Variants in RHOBTB1 observed in about 807,000 individuals in gnomAD.
RHOBTB1 encodes rho-related BTB domain-containing protein 1.
Under a neutral mutation model 71.6 loss-of-function variants are expected in RHOBTB1, and 40 were observed. The observed-to-expected ratio is 0.56, with a 90% CI of 0.43 to 0.73. The LOEUF (loss-of-function observed/expected upper bound fraction) is 0.73. RHOBTB1 is among the 30% of genes least tolerant of loss of function. The pLI is 0.00. For synonymous variants in RHOBTB1, 319 were observed against 334.9 expected, an observed-to-expected ratio of 0.95 and a Z score of 0.52; for missense variants, 797 against 894.0, an observed-to-expected ratio of 0.89 and a Z score of 1.38.
intron 2 of RHOBTB1, among the ~76,000 whole-genome samples, chr10:60,936,032 G>A (rs567988300): frequency 2.0e-5 from 3 of 152,306 alleles, no homozygotes; most frequent in African/African-American, 7.2e-5. Flanking sequence ...AAACTTTAAA[G>A]TGTGCTATAT....
intron 1 of RHOBTB1, among the ~76,000 whole-genome samples, chr10:60,999,489 G>A (rs1349643023): frequency 6.6e-6 from 1 of 152,136 alleles, no homozygotes; most frequent in Non-Finnish European, 1.5e-5. Context: ...CATGCTAAGA[G>A]AAAAATGTTA....
intron 2 of RHOBTB1, among the ~76,000 whole-genome samples, chr10:60,924,109 A>AT (rs990749061): frequency 2.0e-5 from 3 of 152,150 alleles, no homozygotes; most frequent in East Asian, 1.9e-4. Context: ...AAATCTGTGT[A>AT]TTTTTTTTCA....
the RHOBTB1 span, among the ~76,000 whole-genome samples, chr10:60,862,012 T>C: frequency 6.6e-6 from 1 of 152,152 alleles, no homozygotes; most frequent in African/African-American, 2.4e-5. Context: ...TTATTAAAAC[T>C]AGGAGTCAGG....
chr10:60,879,297 A>G (rs962816740), intron 7 of RHOBTB1, among the ~76,000 whole-genome samples: 1 of 152,168 alleles, frequency 6.6e-6, no homozygotes, highest in Admixed American at 6.5e-5. Context: ...ATGGTTTGTA[A>G]GAATTCTACT....
At chr10:60,922,577 G>C (rs1228903531) in intron 2 of RHOBTB1, among the ~76,000 whole-genome samples, 1 of 152,156 alleles carries the variant, frequency 6.6e-6, no homozygotes, top group African/African-American at 2.4e-5. Context: ...CAGGAAGTAG[G>C]GAGACATTCT....
At chr10:60,884,538 T>A (rs143671758) in intron 7 of RHOBTB1, among the ~76,000 whole-genome samples, 1 of 152,318 alleles carries the variant, frequency 6.6e-6, no homozygotes, top group African/African-American at 2.4e-5. Context: ...TGTACTCCCA[T>A]GTTAACTGTA....
At position 60,888,206 on chromosome 10, in the gene RHOBTB1, A is replaced by T. The variant is rs1476697136; in HGVS notation, c.1456+6T>A. On this transcript the variant is annotated splice_donor_region_variant and intron_variant, in intron 6 of 10. Coordinates refer to ENST00000337910, the MANE Select transcript of RHOBTB1 (RefSeq NM_014836.5). ...TATTAATGGCTCTGCCCCGCGGCCCACTCACCCGAGAACGTTCCCTTGCTG... is the reference window on the plus strand; with the variant it reads ...TATTAATGGCTCTGCCCCGCGGCCCTCTCACCCGAGAACGTTCCCTTGCTG... The T allele has an allele frequency of 1.2e-6, 2 of 1,609,024 alleles. No homozygotes were observed. The highest frequency in any genetic ancestry group is 2.2e-5 in the East Asian group (1 of 44,768).
At chr10:60,865,467 C>G (rs1470247581), downstream of RHOBTB1, among the ~76,000 whole-genome samples, 3 of 152,158 alleles carry the variant, frequency 2.0e-5, no homozygotes, top group South Asian at 4.2e-4. Context: ...CGCAGAAAAA[C>G]AGGCATCTTA....
At chr10:60,952,963 C>T (rs552573544) in intron 2 of RHOBTB1, among the ~76,000 whole-genome samples, 77 of 152,174 alleles carry the variant, frequency 5.1e-4, no homozygotes, top group African/African-American at 1.8e-3. Context: ...AAACACACAA[C>T]GCAAGCTTTA....
At chr10:60,906,874 G>C (rs570814146) in intron 4 of RHOBTB1, among the ~76,000 whole-genome samples, 3 of 152,320 alleles carry the variant, frequency 2.0e-5, no homozygotes, top group African/African-American at 7.2e-5. Context: ...ATATGGTTTG[G>C]CTGTGTCCCC....
chr10:60,911,125 G>C, intron 3 of RHOBTB1, 135 bp from the exon 4 acceptor site: 1 of 779,012 alleles, frequency 1.3e-6, no homozygotes, highest in South Asian at 1.7e-5. Flanking sequence ...CGGGATTTAA[G>C]CTAAGTCTTA....
rs2133395329 is a variant in RHOBTB1, at chr10:60,911,462, C to T, written c.81G>A (p.Lys27=). ...ACGCCCTGGCACAGATCAAGCGCGT[C>T]TTCCCCACGGCATTGTCACCCACGA... The part of the protein sequence containing the change: ...CVVVGDNAVG[K]TRLICARACN... The change falls in exon 3 of 11, where the codon AAG becomes AAA. Residue 27 remains lysine, a synonymous_variant. Coordinates refer to ENST00000337910, the MANE Select transcript of RHOBTB1 (RefSeq NM_014836.5). The T allele has an allele frequency of 6.2e-6, 10 of 1,614,210 alleles. No homozygotes were observed. Among genetic ancestry groups the T allele is most frequent in the Non-Finnish European group, 8.5e-6 (10 of 1,180,042 alleles).
Position 60,871,408 on chromosome 10 carries a change from T to C in RHOBTB1, c.*74A>G, listed in dbSNP as rs1037635498. On this transcript the variant is annotated 3_prime_UTR_variant, in exon 11 of 11. Transcript: ENST00000337910. Reference sequence around the variant, plus strand: ...GTCGTATCTCTAACAAGACGAATTTTATAGTAGTGCTTTGAAAAGTGGTGG... The same window carrying C: ...GTCGTATCTCTAACAAGACGAATTTCATAGTAGTGCTTTGAAAAGTGGTGG... The C allele has an allele frequency of 4.7e-6, 7 of 1,476,816 alleles. No homozygotes were observed. Among genetic ancestry groups the C allele is most frequent in the Non-Finnish European group, 6.5e-6 (7 of 1,082,974 alleles). 91.5% of individuals were successfully genotyped at this position (1,476,816 alleles called of 1,614,324 possible).
intron 2 of RHOBTB1, among the ~76,000 whole-genome samples, chr10:60,933,730 T>C (rs558426351): frequency 2.6e-5 from 4 of 151,956 alleles, no homozygotes; most frequent in African/African-American, 4.8e-5. Context: ...TTCATCATCA[T>C]ATCACTATTT....
upstream of RHOBTB1, among the ~76,000 whole-genome samples, chr10:60,945,116 G>A (rs1218060706): frequency 2.0e-5 from 3 of 152,224 alleles, no homozygotes; most frequent in Non-Finnish European, 4.4e-5. Flanking sequence ...GCCTGGCCAA[G>A]CTCTACGGAG....
intron 1 of RHOBTB1, among the ~76,000 whole-genome samples, chr10:60,994,792 T>G (rs2086990811): frequency 1.3e-5 from 2 of 152,092 alleles, no homozygotes; most frequent in South Asian, 4.1e-4. Context: ...ACCAATCTTG[T>G]ATTGTTCCAT....
chr10:60,916,296 G>A (rs11595278), intron 2 of RHOBTB1, among the ~76,000 whole-genome samples: 18,151 of 152,138 alleles, frequency 0.12, 1,396 homozygotes, highest in East Asian at 0.34. Flanking sequence ...ATTGAAAACC[G>A]CTGAGGCAGC....
downstream of RHOBTB1, among the ~76,000 whole-genome samples, chr10:60,868,412 TG>T (rs1316590850): frequency 6.6e-6 from 1 of 152,210 alleles, no homozygotes; most frequent in Non-Finnish European, 1.5e-5. Flanking sequence ...TCAGAAGTGC[TG>T]AACTCATAAA....
At chr10:60,939,841 G>A (rs1188578673) in intron 2 of RHOBTB1, among the ~76,000 whole-genome samples, 1 of 152,130 alleles carries the variant, frequency 6.6e-6, no homozygotes, top group Non-Finnish European at 1.5e-5. Flanking sequence ...AAAGCCTTAT[G>A]AAGTTCAAAA....
Sources: allele counts gnomAD v4.1 joint callset (sites outside exome capture counted in the v4.1 genomes callset), GRCh38; gene constraint gnomAD v4.1.1; transcripts MANE v1.5; gene names NCBI Gene and HGNC (gene_info 2026-07-23, HGNC 2026-07-21).